The following DYTN variants were observed in gnomAD, a reference collection of about 807,000 sequenced individuals.
DYTN encodes dystrotelin.
A neutral mutation model predicts 69.6 loss-of-function variants in DYTN; 75 were observed. That is an observed-to-expected ratio of 1.08 (90% confidence interval 0.89 to 1.31). DYTN has a LOEUF of 1.31. DYTN is among the 50% of genes most tolerant of loss of function. DYTN has a pLI of 0.00. For synonymous variants in DYTN, 252 were observed against 249.1 expected, an observed-to-expected ratio of 1.01 and a Z score of -0.11; for missense variants, 726 against 688.4, an observed-to-expected ratio of 1.05 and a Z score of -0.61.
Position 206,663,995 on chromosome 2 carries a change from G to A in DYTN, c.1141-600C>T, listed in dbSNP as rs1047383672. On this transcript the variant is annotated intron_variant, in intron 10 of 11. Transcript: ENST00000452335. ...AAAATCAATAAGTAAAGCTGTTGGT[G>A]CTTTAGTGTGAATCAAGGCAGCATC... Among the ~76,000 whole-genome samples the A allele has an allele frequency of 6.6e-5, 10 of 152,020 alleles. No homozygotes were observed. In the East Asian group the frequency reaches 1.9e-3, roughly 29 times the overall value.
intron 7 of DYTN, among the ~76,000 whole-genome samples, chr2:206,695,282 A>G (rs1451839688): frequency 6.6e-6 from 1 of 152,214 alleles, no homozygotes; most frequent in Non-Finnish European, 1.5e-5. Flanking sequence ...TTAAAAATAG[A>G]TTTCAATAAA....
chr2:206,656,924 G>A (rs547265112), intron 11 of DYTN, among the ~76,000 whole-genome samples: 6 of 151,926 alleles, frequency 3.9e-5, no homozygotes, highest in South Asian at 4.2e-4. Context: ...CACCACGTCC[G>A]GCTAATTTTG....
intron 9 of DYTN, among the ~76,000 whole-genome samples, chr2:206,685,377 G>T (rs1331945992): frequency 6.6e-6 from 1 of 151,728 alleles, no homozygotes; most frequent in Non-Finnish European, 1.5e-5. Flanking sequence ...TGCCCAGGCT[G>T]GTCTCGAACT....
chr2:206,704,906 G>T lies in DYTN; in HGVS notation c.420C>A (p.Gly140=). The T allele has an allele frequency of 6.2e-7, 1 of 1,613,840 alleles. No homozygotes were observed. The highest frequency in any genetic ancestry group is 1.1e-5 in the South Asian group (1 of 91,042). The change falls in exon 5 of 12, where the codon GGC becomes GGA. Residue 140 remains glycine, a synonymous_variant. Transcript: ENST00000452335. ...GAGTCATGCGTGGCCCAGAATCATA[G>T]CCTCCCCTGCTATTTTCTGCATAGA... ...FQLYAENSRG[G]YDSGPRMTRR... is the part of the protein sequence containing the mutation.
At chr2:206,705,976 G>T (rs1300212677) in intron 3 of DYTN, 103 bp from the exon 4 acceptor site, 6 of 1,313,798 alleles carry the variant, frequency 4.6e-6, no homozygotes, top group Non-Finnish European at 6.4e-6. Flanking sequence ...TTCTGATATG[G>T]TGCTATAAGT....
At chr2:206,708,161 A>G (rs973213430) in intron 2 of DYTN, among the ~76,000 whole-genome samples, 6 of 152,228 alleles carry the variant, frequency 3.9e-5, no homozygotes, top group Admixed American at 3.3e-4. Context: ...ACAAAAAATA[A>G]TGGTTTATTT....
At chr2:206,714,174 T>A (rs976729620) in intron 1 of DYTN, among the ~76,000 whole-genome samples, 3 of 152,192 alleles carry the variant, frequency 2.0e-5, no homozygotes, top group African/African-American at 7.2e-5. Context: ...GATCTAACAG[T>A]GTCTCTGTGT....
chr2:206,707,646 A>C, intron 2 of DYTN, 143 bp from the exon 3 acceptor site: 2 of 775,256 alleles, frequency 2.6e-6, no homozygotes, highest in Non-Finnish European at 4.1e-6. Flanking sequence ...TATGACTACT[A>C]TTTGGACATA....
intron 2 of DYTN, among the ~76,000 whole-genome samples, chr2:206,707,860 GA>G (rs1279386645): frequency 6.6e-6 from 1 of 152,146 alleles, no homozygotes; most frequent in African/African-American, 2.4e-5. Flanking sequence ...AAAAGTTGGG[GA>G]AAACATTTTT....
intron 11 of DYTN, among the ~76,000 whole-genome samples, chr2:206,656,930 T>C (rs1045681230): frequency 1.3e-5 from 2 of 151,980 alleles, no homozygotes; most frequent in Non-Finnish European, 2.9e-5. Flanking sequence ...GTCCGGCTAA[T>C]TTTGTAGTTT....
At chr2:206,689,887 G>A (rs1271031687) in intron 9 of DYTN, among the ~76,000 whole-genome samples, 2 of 152,098 alleles carry the variant, frequency 1.3e-5, no homozygotes, top group Non-Finnish European at 2.9e-5. Flanking sequence ...CATTCAGTCA[G>A]TCAGTCATTC....
At chr2:206,686,041 T>C (rs540459183) in intron 9 of DYTN, among the ~76,000 whole-genome samples, 2 of 151,392 alleles carry the variant, frequency 1.3e-5, no homozygotes, top group South Asian at 2.1e-4. Flanking sequence ...CATTCTTCCT[T>C]GGAGGGTATC....
chr2:206,715,074 G>T (rs1309465789), intron 1 of DYTN, among the ~76,000 whole-genome samples: 1 of 152,164 alleles, frequency 6.6e-6, no homozygotes, highest in Non-Finnish European at 1.5e-5. Flanking sequence ...ACTGGGCAAA[G>T]GCATGGAGGA....
chr2:206,668,674 A>G (rs1444815396), intron 9 of DYTN, among the ~76,000 whole-genome samples: 1 of 152,202 alleles, frequency 6.6e-6, no homozygotes. Flanking sequence ...TGCCCAAAGC[A>G]GTTAAATGTT....
chr2:206,656,705 C>T (rs368197768), intron 11 of DYTN, among the ~76,000 whole-genome samples: 1 of 108,932 alleles, frequency 9.2e-6, no homozygotes, highest in Non-Finnish European at 2.2e-5. Flanking sequence ...ATAATAACTT[C>T]ACTTCAATTG....
At chr2:206,656,599 G>GT (rs1046005586) in intron 11 of DYTN, among the ~76,000 whole-genome samples, 3 of 151,440 alleles carry the variant, frequency 2.0e-5, no homozygotes, top group African/African-American at 7.3e-5. Flanking sequence ...ATATTATTTC[G>GT]TTTTTTTCTT....
intron 9 of DYTN, among the ~76,000 whole-genome samples, 182 bp from the exon 10 acceptor site, chr2:206,666,211 C>T (rs532346751): frequency 5.9e-4 from 90 of 152,170 alleles, no homozygotes; most frequent in African/African-American, 2.0e-3. Flanking sequence ...AATGCAGTGG[C>T]GCGATCTTGG....
At chr2:206,684,241 A>G (rs1253329966) in intron 9 of DYTN, among the ~76,000 whole-genome samples, 1 of 152,322 alleles carries the variant, frequency 6.6e-6, no homozygotes, top group South Asian at 2.1e-4. Flanking sequence ...GGATGTTGCC[A>G]TTCATTTTAA....
chr2:206,708,260 G>A (rs1356037785), intron 2 of DYTN, among the ~76,000 whole-genome samples: 1 of 152,170 alleles, frequency 6.6e-6, no homozygotes, highest in Non-Finnish European at 1.5e-5. Flanking sequence ...TAACCCCATA[G>A]CTTCTTGCAG....
Sources: allele counts gnomAD v4.1 joint callset (sites outside exome capture counted in the v4.1 genomes callset), GRCh38; gene constraint gnomAD v4.1.1; transcripts MANE v1.5; gene names NCBI Gene and HGNC (gene_info 2026-07-23, HGNC 2026-07-21).